Variants in GNAL observed in about 807,000 individuals in gnomAD.
GNAL encodes G protein subunit alpha L.
A neutral mutation model predicts 55.1 loss-of-function variants in GNAL; 18 were observed. That is an observed-to-expected ratio of 0.33 (90% CI 0.23 to 0.48). The LOEUF (loss-of-function observed/expected upper bound fraction) is 0.48. Among genes scored for constraint, GNAL ranks in the 20% least tolerant of loss-of-function variants. The probability of loss-of-function intolerance (pLI) is 0.99; values close to 1 mark genes in which losing one functional copy is unlikely to be tolerated. For missense variants in GNAL, 412 were observed against 614.1 expected (o/e 0.67, Z 3.48); for synonymous variants, 253 against 237.0 (o/e 1.07, Z -0.62).
At chr18:11,800,584 C>G (rs1360430981) in intron 4 of GNAL, among the ~76,000 whole-genome samples, 1 of 152,114 alleles carries the variant, frequency 6.6e-6, no homozygotes, top group African/African-American at 2.4e-5. Context: ...AGGCCACTGC[C>G]TTTGGTAGGA....
rs546462592 is a variant in GNAL, at chr18:11,885,654, C to T, written c.*4519C>T. ...TTAAATACTTATGAAAGCTTTCAGA[C>T]AAAAATAAACTTTCACGTTACCATG... is the stretch of plus-strand genomic sequence containing the variant. On this transcript the variant is annotated 3_prime_UTR_variant, in exon 12 of 12. Coordinates refer to ENST00000334049, the MANE Select transcript of GNAL (RefSeq NM_182978.4). The T allele has an allele frequency of 6.3e-7, 1 of 1,598,432 alleles. No homozygotes were observed. Among genetic ancestry groups the T allele is most frequent in the East Asian group, 2.3e-5 (1 of 44,426 alleles).
chr18:11,714,655 G>A (rs957219325), intron 1 of GNAL, among the ~76,000 whole-genome samples: 10 of 152,134 alleles, frequency 6.6e-5, no homozygotes, highest in East Asian at 1.9e-4. Context: ...ACAAAACTCC[G>A]TTTTAGGGCT....
chr18:11,850,014 A>T (rs984332524), intron 5 of GNAL, among the ~76,000 whole-genome samples: 3 of 152,142 alleles, frequency 2.0e-5, no homozygotes, highest in Non-Finnish European at 4.4e-5. Flanking sequence ...AGTCCTGGGG[A>T]GGCTCCATGG....
intron 11 of GNAL, among the ~76,000 whole-genome samples, chr18:11,880,203 G>A (rs536332794): frequency 1.2e-4 from 18 of 151,508 alleles, no homozygotes; most frequent in South Asian, 2.2e-4. Context: ...GTTGCAGTGA[G>A]CCGAGATGGC....
In GNAL at chr18:11,692,216, A is replaced by G. The variant is rs1459489280; in HGVS notation, c.376+2277A>G. Among the ~76,000 whole-genome samples the G allele has an allele frequency of 2.6e-5, 4 of 152,182 alleles. No homozygotes were observed. In the South Asian group the frequency reaches 8.3e-4, roughly 31 times the overall value. ...CCGCTTATAAATGAATGCAACTTTC[A>G]TTTAAGATCTAGAATACAATAAATA... is the stretch of plus-strand genomic sequence containing the variant. On this transcript the variant is annotated intron_variant, in intron 1 of 11. Transcript: ENST00000334049.
Position 11,796,124 on chromosome 18 carries a change from C to T in GNAL, c.625-28794C>T, listed in dbSNP as rs543721727. On this transcript the variant is annotated intron_variant, in intron 4 of 11. Transcript: ENST00000334049. The stretch of plus-strand genomic sequence containing the variant: ...CATTCATTAACTTTATATACACAAA[C>T]CACAAATTTACAGAATGGCATAGTA... Among the ~76,000 whole-genome samples the T allele has an allele frequency of 5.2e-4, 79 of 152,186 alleles. 1 individual carries two copies. In the Middle Eastern group the frequency reaches 0.01, roughly 20 times the overall value.
At chr18:11,828,362 CCA>C (rs33917051) in intron 5 of GNAL, among the ~76,000 whole-genome samples, 46,282 of 151,846 alleles carry the variant, frequency 0.3, 8,435 homozygotes, top group African/African-American at 0.51. Context: ...TATCATTGTG[CCA>C]CACACTCCAG....
At position 11,752,234 on chromosome 18, in the gene GNAL, C is replaced by A; in HGVS notation, c.377-619C>A. The A allele has an allele frequency of 9.1e-7, 1 of 1,095,772 alleles. No individual in the cohort carries two copies. Among genetic ancestry groups the A allele is most frequent in the Non-Finnish European group, 1.2e-6 (1 of 820,396 alleles). The allele number at this position is 1,095,772 out of a possible 1,614,324, so 67.9% of individuals were successfully genotyped here. ...TTTACTCCGCGCGTCTTCCTTACAG[C>A]CATTTAGTTGGGAGTTTGCGGTGGG... On this transcript the variant is annotated intron_variant, in intron 1 of 11. Transcript: ENST00000334049. This position sits in a 1 kb window ranked among gnomAD's most constrained non-coding sequence, Gnocchi z 4.5.
chr18:11,813,666 A>T lies in GNAL; in HGVS notation c.625-11252A>T, dbSNP rs567133607. 4.6e-5 allele frequency among the ~76,000 whole-genome samples: 7 copies of T among 152,344 alleles called. No individual in the cohort carries two copies. The South Asian group carries it at 1.4e-3, about 32-fold the overall frequency. On this transcript the variant is annotated intron_variant, in intron 4 of 11. Coordinates refer to ENST00000334049, the MANE Select transcript of GNAL (RefSeq NM_182978.4). ...TGCTAGCATGAGGAGAGAGCTAGAG[A>T]TCAGTGGAACAGAATTGAGAATTCA...
intron 4 of GNAL, among the ~76,000 whole-genome samples, chr18:11,823,724 A>C (rs965984805): frequency 2.0e-5 from 3 of 152,222 alleles, no homozygotes; most frequent in Non-Finnish European, 4.4e-5. Flanking sequence ...ATGAAGGAGG[A>C]GTCGCTGGGA....
intron 4 of GNAL, among the ~76,000 whole-genome samples, chr18:11,793,019 TAAATC>T (rs1330436644): frequency 1.3e-5 from 2 of 152,224 alleles, no homozygotes; most frequent in Admixed American, 6.5e-5. Context: ...ATGCAAAAAT[TAAATC>T]AAAGTAGATC....
At chr18:11,780,638 CCAGA>C (rs1353358111) in intron 4 of GNAL, among the ~76,000 whole-genome samples, 2 of 152,112 alleles carry the variant, frequency 1.3e-5, no homozygotes, top group African/African-American at 4.8e-5. Flanking sequence ...CCATTCTCAA[CCAGA>C]CACAGTCTTA....
At chr18:11,781,871 G>A (rs933327301) in intron 4 of GNAL, among the ~76,000 whole-genome samples, 3 of 152,064 alleles carry the variant, frequency 2.0e-5, no homozygotes, top group Admixed American at 6.5e-5. Context: ...AAACAAAATA[G>A]GTGTTATAAT....
At chr18:11,857,981 A>C (rs950023952) in intron 5 of GNAL, among the ~76,000 whole-genome samples, 1 of 152,204 alleles carries the variant, frequency 6.6e-6, no homozygotes, top group Non-Finnish European at 1.5e-5. Context: ...TTCACACACA[A>C]AAAATTTTAA....
intron 1 of GNAL, among the ~76,000 whole-genome samples, chr18:11,690,706 G>C (rs924948908): frequency 6.8e-6 from 1 of 147,640 alleles, no homozygotes; most frequent in African/African-American, 2.5e-5. Flanking sequence ...GAGAATATGC[G>C]GTGTTTGGTT....
At chr18:11,698,583 G>A (rs2031479985) in intron 1 of GNAL, among the ~76,000 whole-genome samples, 1 of 152,048 alleles carries the variant, frequency 6.6e-6, no homozygotes, top group Admixed American at 6.6e-5. Context: ...AGATTGGAAG[G>A]GACAGGAAGA....
chr18:11,738,402 C>T (rs1157470089), intron 1 of GNAL, among the ~76,000 whole-genome samples: 1 of 151,940 alleles, frequency 6.6e-6, no homozygotes, highest in Admixed American at 6.6e-5. Context: ...ACACCAAGCT[C>T]CCTGAGGGGA....
At chr18:11,842,943 G>T (rs773196561) in intron 5 of GNAL, among the ~76,000 whole-genome samples, 18 of 152,180 alleles carry the variant, frequency 1.2e-4, no homozygotes, top group Non-Finnish European at 2.4e-4. Flanking sequence ...TTAGGGTGTT[G>T]ACTGTTTCAG....
At chr18:11,769,205 A>G (rs2033556429) in intron 4 of GNAL, among the ~76,000 whole-genome samples, 1 of 143,008 alleles carries the variant, frequency 7.0e-6, no homozygotes, top group Admixed American at 7.3e-5. Flanking sequence ...TATATATAAT[A>G]TATATAATGT....
Sources: allele counts gnomAD v4.1 joint callset (sites outside exome capture counted in the v4.1 genomes callset), GRCh38; gene constraint gnomAD v4.1.1; non-coding constraint Gnocchi (gnomAD v3.1); transcripts MANE v1.5; gene names NCBI Gene and HGNC (gene_info 2026-07-23, HGNC 2026-07-21).